The following LINGO1 variants were observed in gnomAD, a reference collection of about 807,000 sequenced individuals.
The protein encoded by LINGO1 is leucine-rich repeat and immunoglobulin-like domain-containing nogo receptor-interacting protein 1.
In LINGO1, 11 loss-of-function variants were observed where a neutral mutation model predicts 37.3. The observed-to-expected ratio is 0.29, with a 90% CI of 0.19 to 0.49. The LOEUF is 0.49. LINGO1 is among the 20% of genes least tolerant of loss of function. The probability of loss-of-function intolerance (pLI) is 0.99; values close to 1 mark genes in which losing one functional copy is unlikely to be tolerated. For synonymous variants in LINGO1, 387 were observed against 403.0 expected, an observed-to-expected ratio of 0.96 and a Z score of 0.48; for missense variants, 585 against 878.2, an observed-to-expected ratio of 0.67 and a Z score of 4.22.
At chr15:77,664,909 C>T (rs1441605143) in intron 3 of LINGO1, among the ~76,000 whole-genome samples, 1 of 152,190 alleles carries the variant, frequency 6.6e-6, no homozygotes, top group East Asian at 1.9e-4. Context: ...CTTGAAGGGA[C>T]AGCTCCTTCA....
chr15:77,668,928 G>GACACATGTGGCCTCTCAA (rs372439667), intron 3 of LINGO1, among the ~76,000 whole-genome samples: 127 of 152,256 alleles, frequency 8.3e-4, no homozygotes, highest in Middle Eastern at 3.4e-3. Context: ...GTGGTCTTCA[G>GACACATGTGGCCTCTCAA]ACACATGTGG....
upstream of LINGO1, among the ~76,000 whole-genome samples, chr15:77,639,306 C>T (rs1316224280): frequency 6.6e-6 from 1 of 152,032 alleles, no homozygotes; most frequent in Non-Finnish European, 1.5e-5. Flanking sequence ...TGTTATGCAG[C>T]AATAGATAAT....
At chr15:77,806,044 C>G (rs777140320) in intron 1 of LINGO1, among the ~76,000 whole-genome samples, 1 of 152,162 alleles carries the variant, frequency 6.6e-6, no homozygotes, top group Non-Finnish European at 1.5e-5. Flanking sequence ...CACCTCTCCT[C>G]GGCAGCTATG....
At chr15:77,743,420 G>A (rs928793035) in intron 1 of LINGO1, among the ~76,000 whole-genome samples, 3 of 152,134 alleles carry the variant, frequency 2.0e-5, no homozygotes, top group African/African-American at 7.2e-5. Context: ...AGATTCTTGA[G>A]GGGACAGCAT....
intron 1 of LINGO1, among the ~76,000 whole-genome samples, chr15:77,775,858 C>A (rs1250603064): frequency 6.6e-6 from 1 of 152,208 alleles, no homozygotes; most frequent in East Asian, 1.9e-4. Flanking sequence ...CCCCACACAG[C>A]AGCGGGCACC....
intron 3 of LINGO1, among the ~76,000 whole-genome samples, chr15:77,656,477 C>A (rs1215263555): frequency 1.3e-5 from 2 of 152,216 alleles, no homozygotes; most frequent in Non-Finnish European, 2.9e-5. Context: ...GTTCTCATGG[C>A]AACTCCAGCT....
intron 1 of LINGO1, among the ~76,000 whole-genome samples, chr15:77,773,595 G>C (rs1205570226): frequency 6.6e-6 from 1 of 152,046 alleles, no homozygotes; most frequent in East Asian, 1.9e-4. Context: ...AGGAAGGCAG[G>C]TATGACTCCA....
At chr15:77,736,352 C>G (rs2076203865) in intron 1 of LINGO1, among the ~76,000 whole-genome samples, 1 of 152,184 alleles carries the variant, frequency 6.6e-6, no homozygotes. Context: ...CATGCTTGTG[C>G]TCACTGAGCA....
intron 1 of LINGO1, among the ~76,000 whole-genome samples, chr15:77,759,919 C>A (rs1412725950): frequency 6.6e-6 from 1 of 152,244 alleles, no homozygotes; most frequent in Non-Finnish European, 1.5e-5. Context: ...TGAACCACAC[C>A]TATAACCAGG....
intron 2 of LINGO1, among the ~76,000 whole-genome samples, chr15:77,723,165 C>G (rs970689432): frequency 6.1e-5 from 9 of 148,050 alleles, no homozygotes; most frequent in Non-Finnish European, 1.3e-4. Context: ...CACCCCCAGA[C>G]AGGCACTGAG....
chr15:77,633,741 G>C (rs567889010), upstream of LINGO1, among the ~76,000 whole-genome samples: 2 of 152,316 alleles, frequency 1.3e-5, no homozygotes, highest in Admixed American at 1.3e-4. Flanking sequence ...GGGATCCTCG[G>C]CTGGGGCCAC....
chr15:77,797,082 G>T (rs1008799935), intron 1 of LINGO1, among the ~76,000 whole-genome samples: 1 of 152,154 alleles, frequency 6.6e-6, no homozygotes, highest in Non-Finnish European at 1.5e-5. Flanking sequence ...AGGGGAGGGC[G>T]CTAGGAAGTT....
intron 2 of LINGO1, among the ~76,000 whole-genome samples, chr15:77,681,972 T>C (rs2075421809): frequency 6.6e-6 from 1 of 152,088 alleles, no homozygotes; most frequent in Admixed American, 6.6e-5. Flanking sequence ...GTTTCCAGGA[T>C]GGGGAAGCTG....
chr15:77,780,119 T>G (rs954728205), intron 1 of LINGO1, among the ~76,000 whole-genome samples: 6 of 152,190 alleles, frequency 3.9e-5, no homozygotes, highest in Non-Finnish European at 7.4e-5. Flanking sequence ...GCTTCGCAGC[T>G]GGCAGGTGGA....
chr15:77,652,583 C>T (rs1489974090), intron 3 of LINGO1, among the ~76,000 whole-genome samples: 1 of 150,148 alleles, frequency 6.7e-6, no homozygotes. Flanking sequence ...CTCCAGGTGA[C>T]GTCTGTCACT....
At chr15:77,670,754 C>T (rs751920156) in intron 3 of LINGO1, among the ~76,000 whole-genome samples, 31 of 152,232 alleles carry the variant, frequency 2.0e-4, no homozygotes, top group Admixed American at 4.6e-4. Flanking sequence ...GCAGCAGGAC[C>T]CAGGGCGGCC....
At chr15:77,689,732 C>A (rs1301157192) in intron 2 of LINGO1, among the ~76,000 whole-genome samples, 3 of 152,208 alleles carry the variant, frequency 2.0e-5, no homozygotes, top group Non-Finnish European at 4.4e-5. Flanking sequence ...TGAGGCCCTG[C>A]CCTCAATACA....
chr15:77,639,072 C>T (rs976283956), upstream of LINGO1, among the ~76,000 whole-genome samples: 5 of 152,072 alleles, frequency 3.3e-5, no homozygotes, highest in African/African-American at 1.2e-4. Flanking sequence ...AGTCAACCCC[C>T]CATGAGGCCC....
At chr15:77,776,753 C>T (rs2076660013) in intron 1 of LINGO1, among the ~76,000 whole-genome samples, 2 of 152,326 alleles carry the variant, frequency 1.3e-5, no homozygotes, top group Non-Finnish European at 2.9e-5. Flanking sequence ...AAAGCTCCTT[C>T]TACCGCAGCC....
Sources: allele counts gnomAD v4.1 joint callset (sites outside exome capture counted in the v4.1 genomes callset), GRCh38; gene constraint gnomAD v4.1.1; transcripts MANE v1.5; gene names NCBI Gene and HGNC (gene_info 2026-07-23, HGNC 2026-07-21).